Variants in PHACTR4 observed in about 807,000 individuals in gnomAD.
The protein encoded by PHACTR4 is protein phosphatase 1, regulatory subunit 124.
PHACTR4 carries 51 observed loss-of-function variants against 72.7 expected under a neutral mutation model. The observed-to-expected ratio is 0.70, with a 90% CI of 0.56 to 0.89. The LOEUF (loss-of-function observed/expected upper bound fraction) is 0.89. PHACTR4 is among the 40% of genes least tolerant of loss of function. The pLI, the probability that PHACTR4 is intolerant of heterozygous loss-of-function variation, is 0.00. For missense variants in PHACTR4, 731 were observed against 861.8 expected, an observed-to-expected ratio of 0.85 and a Z score of 1.90; for synonymous variants, 255 against 302.5, an observed-to-expected ratio of 0.84 and a Z score of 1.63.
intron 2 of PHACTR4, among the ~76,000 whole-genome samples, chr1:28,416,187 A>G (rs1655094328): frequency 6.6e-6 from 1 of 152,186 alleles, no homozygotes; most frequent in Admixed American, 6.5e-5. Flanking sequence ...CTCCAGTATT[A>G]CATGATGCCA....
rs1014665508 is a variant in PHACTR4, at chr1:28,370,055, C to T, written c.-39+230C>T. 2.6e-5 allele frequency among the ~76,000 whole-genome samples: 4 copies of T among 152,226 alleles called. No homozygotes were observed. The South Asian group carries it at 8.3e-4, about 32-fold the overall frequency. ...GCTTCTCCGCCTGAGGCAGGGCCCG[C>T]GCAGGCTCGCCCTCTCCGCCCCCCG... On this transcript the variant is annotated intron_variant, in intron 1 of 13. Coordinates refer to ENST00000373839, the MANE Select transcript of PHACTR4 (RefSeq NM_001048183.3).
chr1:28,409,417 G>A (rs373485931), intron 2 of PHACTR4, among the ~76,000 whole-genome samples: 1 of 152,112 alleles, frequency 6.6e-6, no homozygotes, highest in African/African-American at 2.4e-5. Context: ...TGAGAGATAT[G>A]TCTTAGGATA....
At chr1:28,470,198 G>A (rs1334816827) in intron 6 of PHACTR4, among the ~76,000 whole-genome samples, 3 of 152,088 alleles carry the variant, frequency 2.0e-5, no homozygotes, top group African/African-American at 7.2e-5. Context: ...TTCAAGACCA[G>A]CCTGAGCAAC....
At chr1:28,385,105 A>G (rs1192534707) in intron 1 of PHACTR4, among the ~76,000 whole-genome samples, 5 of 151,944 alleles carry the variant, frequency 3.3e-5, no homozygotes, top group African/African-American at 1.2e-4. Context: ...GATCTTTGTA[A>G]CTTTTTGATG....
chr1:28,449,149 AAAC>A (rs539985474), intron 2 of PHACTR4, among the ~76,000 whole-genome samples: 3 of 151,924 alleles, frequency 2.0e-5, no homozygotes, highest in East Asian at 3.9e-4. Flanking sequence ...TCTCAAAACA[AAAC>A]AACAACAACA....
chr1:28,396,454 C>T (rs1439698469), intron 1 of PHACTR4, among the ~76,000 whole-genome samples: 2 of 151,450 alleles, frequency 1.3e-5, no homozygotes, highest in African/African-American at 4.8e-5. Context: ...TCACTTGAAC[C>T]TGGGAGGCGG....
At chr1:28,412,017 C>T (rs1481051266) in intron 2 of PHACTR4, among the ~76,000 whole-genome samples, 1 of 152,062 alleles carries the variant, frequency 6.6e-6, no homozygotes, top group Non-Finnish European at 1.5e-5. Context: ...GTCTCTAGGA[C>T]CTTTTCTACC....
chr1:28,433,531 C>T (rs144520022), intron 2 of PHACTR4, among the ~76,000 whole-genome samples: 1,922 of 141,926 alleles, frequency 0.014, 14 homozygotes, highest in Middle Eastern at 0.023. Flanking sequence ...AATCTCAGCT[C>T]ACTGCAACCT....
chr1:28,433,778 A>G (rs1326431439), intron 2 of PHACTR4, among the ~76,000 whole-genome samples: 3 of 136,448 alleles, frequency 2.2e-5, no homozygotes, highest in African/African-American at 8.2e-5. Context: ...ATTTCATTTT[A>G]TTTTGTTTTT....
At chr1:28,378,617 A>G (rs1456664192) in intron 1 of PHACTR4, among the ~76,000 whole-genome samples, 1 of 140,962 alleles carries the variant, frequency 7.1e-6, no homozygotes, top group Non-Finnish European at 1.5e-5. Flanking sequence ...AGGGGGAAAA[A>G]ATAGAGGAAG....
intron 9 of PHACTR4, among the ~76,000 whole-genome samples, chr1:28,488,597 A>G (rs1030010043): frequency 6.6e-6 from 1 of 152,092 alleles, no homozygotes; most frequent in African/African-American, 2.4e-5. Flanking sequence ...GTTCAAGACT[A>G]TCCTGGGCAA....
At chr1:28,403,530 T>G (rs1458042113) in intron 1 of PHACTR4, among the ~76,000 whole-genome samples, 1 of 152,190 alleles carries the variant, frequency 6.6e-6, no homozygotes, top group African/African-American at 2.4e-5. Flanking sequence ...TATACCCTTG[T>G]GTTGCTCAGA....
chr1:28,391,124 G>A (rs1652985338), intron 1 of PHACTR4, among the ~76,000 whole-genome samples: 1 of 150,134 alleles, frequency 6.7e-6, no homozygotes, highest in African/African-American at 2.5e-5. Context: ...AATAGGACAG[G>A]CTCAGTGGTT....
At chr1:28,383,404 A>C (rs1031198943) in intron 1 of PHACTR4, among the ~76,000 whole-genome samples, 8 of 152,124 alleles carry the variant, frequency 5.3e-5, no homozygotes, top group Admixed American at 3.9e-4. Flanking sequence ...ATAGTATTTT[A>C]ATAGGAATGG....
intron 1 of PHACTR4, among the ~76,000 whole-genome samples, chr1:28,402,677 A>G (rs1032983388): frequency 1.3e-5 from 2 of 152,162 alleles, no homozygotes; most frequent in Admixed American, 6.5e-5. Context: ...TCATCTGTTT[A>G]TGGGTGGTTA....
intron 4 of PHACTR4, among the ~76,000 whole-genome samples, chr1:28,462,146 T>G (rs558681955): frequency 6.6e-6 from 1 of 152,158 alleles, no homozygotes; most frequent in African/African-American, 2.4e-5. Context: ...GAGCTGTGAT[T>G]ACAGGCATCC....
intron 4 of PHACTR4, among the ~76,000 whole-genome samples, chr1:28,461,562 A>G (rs1460437543): frequency 1.3e-5 from 2 of 152,248 alleles, no homozygotes; most frequent in African/African-American, 4.8e-5. Flanking sequence ...AAAAAATTAA[A>G]TTGTATGTAT....
At chr1:28,467,240 A>G (rs896579899) in intron 6 of PHACTR4, 3 of 152,714 alleles carry the variant, frequency 2.0e-5, no homozygotes, top group African/African-American at 7.2e-5. Context: ...CAAACAAAAA[A>G]AGTCATGAAA....
intron 2 of PHACTR4, among the ~76,000 whole-genome samples, chr1:28,414,377 T>C (rs1177313613): frequency 6.6e-6 from 1 of 150,866 alleles, no homozygotes; most frequent in East Asian, 1.9e-4. Flanking sequence ...TATTTTCTTT[T>C]TCATTTTATT....
Sources: gnomAD v4.1 joint callset for allele counts (sites outside exome capture counted in the v4.1 genomes callset) on GRCh38, gnomAD v4.1.1 for gene constraint, MANE v1.5 for transcripts, NCBI Gene and HGNC (gene_info 2026-07-23, HGNC 2026-07-21) for gene names.